BMAL1: variants seen among roughly 807,000 people sequenced by gnomAD.
The protein encoded by BMAL1 is basic helix-loop-helix ARNT-like protein 1.
At chr11:13,315,201 C>A in the BMAL1 span, among the ~76,000 whole-genome samples, 3 of 152,340 alleles carry the variant, frequency 2.0e-5, no homozygotes, top group Admixed American at 1.3e-4. Flanking sequence ...GCTTGTGATG[C>A]TGCCTCCCCT....
At chr11:13,325,592 G>A in the BMAL1 span, among the ~76,000 whole-genome samples, 2 of 151,428 alleles carry the variant, frequency 1.3e-5, no homozygotes, top group African/African-American at 4.9e-5. Context: ...GAGGCAGACC[G>A]GCAGCAGGCA....
chr11:13,351,806 A>G, the BMAL1 span, among the ~76,000 whole-genome samples: 5 of 152,230 alleles, frequency 3.3e-5, no homozygotes, highest in Admixed American at 3.3e-4. Context: ...TGAGGAGGTC[A>G]CTGGTCAACC....
At chr11:13,386,607 C>G in the BMAL1 span, 1 of 1,612,768 alleles carries the variant, frequency 6.2e-7, no homozygotes, top group Non-Finnish European at 8.5e-7. Context: ...TGAGAACCCC[C>G]ACATAGGTAT....
chr11:13,317,031 A>G, the BMAL1 span, among the ~76,000 whole-genome samples: 1 of 152,216 alleles, frequency 6.6e-6, no homozygotes, highest in Non-Finnish European at 1.5e-5. Context: ...AATCATTAGA[A>G]TAACCTTTAT....
chr11:13,371,354 G>C, the BMAL1 span, among the ~76,000 whole-genome samples: 2 of 152,148 alleles, frequency 1.3e-5, no homozygotes, highest in African/African-American at 2.4e-5. Flanking sequence ...ATCTTCATTT[G>C]TTTCTTTCCC....
the BMAL1 span, among the ~76,000 whole-genome samples, chr11:13,308,742 T>C: frequency 3.3e-3 from 505 of 152,292 alleles, 2 homozygotes; most frequent in African/African-American, 0.011. Flanking sequence ...AAAGGGATCA[T>C]TTAAGATTTA....
chr11:13,369,493 T>C, the BMAL1 span: 1 of 1,132,138 alleles, frequency 8.8e-7, no homozygotes, highest in East Asian at 2.4e-5. Flanking sequence ...TTGGGAGATA[T>C]TTATCTCATG....
At chr11:13,346,424 C>T in the BMAL1 span, among the ~76,000 whole-genome samples, 2 of 152,230 alleles carry the variant, frequency 1.3e-5, no homozygotes, top group South Asian at 4.1e-4. Flanking sequence ...ATGTGATCAT[C>T]TTCCTGTAGA....
At chr11:13,337,127 C>T in the BMAL1 span, among the ~76,000 whole-genome samples, 1 of 152,154 alleles carries the variant, frequency 6.6e-6, no homozygotes, top group Non-Finnish European at 1.5e-5. Flanking sequence ...TGGTTTGTTT[C>T]CTTTCAGTCC....
the BMAL1 span, among the ~76,000 whole-genome samples, chr11:13,382,498 C>G: frequency 3.9e-5 from 6 of 152,210 alleles, no homozygotes; most frequent in Admixed American, 2.6e-4. Context: ...CTTGGTGTCC[C>G]GTGACCCCCG....
At chr11:13,360,339 C>G in the BMAL1 span, 2 of 1,609,712 alleles carry the variant, frequency 1.2e-6, no homozygotes, top group Admixed American at 1.7e-5. Flanking sequence ...TCTTTTTGCC[C>G]CTAAGGTGCC....
chr11:13,307,347 C>T, the BMAL1 span, among the ~76,000 whole-genome samples: 5 of 152,152 alleles, frequency 3.3e-5, no homozygotes, highest in Non-Finnish European at 5.9e-5. Context: ...AAGGCGGGTT[C>T]GTAGGCCACT....
At chr11:13,373,296 T>G in the BMAL1 span, among the ~76,000 whole-genome samples, 6 of 152,298 alleles carry the variant, frequency 3.9e-5, no homozygotes, top group South Asian at 1.2e-3. Flanking sequence ...TACTGCTGCC[T>G]ACTGCTTTCC....
the BMAL1 span, among the ~76,000 whole-genome samples, chr11:13,290,844 T>G: frequency 6.6e-6 from 1 of 152,158 alleles, no homozygotes; most frequent in Non-Finnish European, 1.5e-5. Flanking sequence ...CTTTCTCTCT[T>G]TTCCTGGTAC....
At chr11:13,377,438 C>A in the BMAL1 span, among the ~76,000 whole-genome samples, 1 of 152,152 alleles carries the variant, frequency 6.6e-6, no homozygotes, top group African/African-American at 2.4e-5. Context: ...GAGTCCTGAA[C>A]CTTCTATCTC....
At chr11:13,298,998 G>A in the BMAL1 span, among the ~76,000 whole-genome samples, 8 of 152,190 alleles carry the variant, frequency 5.3e-5, no homozygotes, top group Non-Finnish European at 1.2e-4. Flanking sequence ...CCCCCAGCTG[G>A]CATGTGGTAG....
the BMAL1 span, among the ~76,000 whole-genome samples, chr11:13,298,216 C>T: frequency 5.9e-5 from 9 of 152,338 alleles, no homozygotes; most frequent in South Asian, 6.2e-4. Context: ...CTCCTACCTG[C>T]GCCTCTCTAG....
At chr11:13,331,239 G>A in the BMAL1 span, among the ~76,000 whole-genome samples, 1 of 152,212 alleles carries the variant, frequency 6.6e-6, no homozygotes, top group African/African-American at 2.4e-5. Context: ...CAGATTAGTT[G>A]AGTGGTAGAG....
At chr11:13,330,723 T>C in the BMAL1 span, among the ~76,000 whole-genome samples, 2 of 152,256 alleles carry the variant, frequency 1.3e-5, no homozygotes, top group Admixed American at 6.5e-5. Context: ...AAAATCATTC[T>C]TCATTGTCCA....
Sources: allele counts gnomAD v4.1 joint callset (sites outside exome capture counted in the v4.1 genomes callset), GRCh38; gene constraint gnomAD v4.1.1; transcripts MANE v1.5; gene names NCBI Gene and HGNC (gene_info 2026-07-23, HGNC 2026-07-21).